The following GPC5 variants were observed in gnomAD, a reference collection of about 807,000 sequenced individuals.
GPC5 encodes the protein glypican-5.
A neutral mutation model predicts 53.9 loss-of-function variants in GPC5; 47 were observed. The ratio of observed to expected loss-of-function variants is 0.87; its 90% CI spans 0.69 to 1.11. The LOEUF is 1.11. Ranked by LOEUF, GPC5 falls within the 50% of genes most tolerant of loss-of-function variation. GPC5 has a pLI of 0.00. For missense variants in GPC5, 748 were observed against 713.1 expected, an observed-to-expected ratio of 1.05 and a Z score of -0.56; for synonymous variants, 286 against 263.3, an observed-to-expected ratio of 1.09 and a Z score of -0.84.
intron 7 of GPC5, among the ~76,000 whole-genome samples, chr13:92,665,065 T>C (rs1251796185): frequency 6.6e-6 from 1 of 152,152 alleles, no homozygotes; most frequent in African/African-American, 2.4e-5. Flanking sequence ...CACCATATGA[T>C]GAAAATATAG....
intron 7 of GPC5, among the ~76,000 whole-genome samples, chr13:92,274,715 A>C (rs2042863354): frequency 2.0e-5 from 3 of 152,174 alleles, no homozygotes; most frequent in Non-Finnish European, 2.9e-5. Context: ...GACCCTCTCT[A>C]ACATGGCCGC....
chr13:92,236,853 T>TG (rs1034170758), intron 7 of GPC5, among the ~76,000 whole-genome samples: 14 of 151,910 alleles, frequency 9.2e-5, no homozygotes, highest in African/African-American at 3.1e-4. Context: ...AGCATTTTTT[T>TG]TTTGTTTTGA....
intron 7 of GPC5, among the ~76,000 whole-genome samples, chr13:92,461,144 TAAG>T (rs1464005050): frequency 6.6e-6 from 1 of 152,102 alleles, no homozygotes; most frequent in Non-Finnish European, 1.5e-5. Flanking sequence ...TGAAACTAAA[TAAG>T]AAGTATTCCC....
intron 7 of GPC5, among the ~76,000 whole-genome samples, chr13:92,257,567 T>TTTTTTTTTTTTTGG (rs1555323586): frequency 9.1e-5 from 13 of 142,094 alleles, no homozygotes; most frequent in African/African-American, 3.4e-4. Context: ...TTTTTTTTTT[T>TTTTTTTTTTTTTGG]GGGGACAGAG....
chr13:91,423,308 G>A (rs1034891372), intron 1 of GPC5, among the ~76,000 whole-genome samples: 2 of 152,036 alleles, frequency 1.3e-5, no homozygotes, highest in Non-Finnish European at 2.9e-5. Flanking sequence ...ATTGCTTTGT[G>A]GCTGTTTTTA....
At chr13:92,613,406 A>AT (rs533933022) in intron 7 of GPC5, among the ~76,000 whole-genome samples, 6 of 62,780 alleles carry the variant, frequency 9.6e-5, no homozygotes, top group East Asian at 8.3e-4. Flanking sequence ...TATATATTAT[A>AT]TTATATATAA....
At chr13:91,804,794 C>CTCTTT (rs1178360842) in intron 5 of GPC5, among the ~76,000 whole-genome samples, 4 of 152,176 alleles carry the variant, frequency 2.6e-5, no homozygotes, top group Non-Finnish European at 5.9e-5. Flanking sequence ...CAAGAAAGAC[C>CTCTTT]TGCCCATTAC....
intron 7 of GPC5, among the ~76,000 whole-genome samples, chr13:92,860,730 C>A (rs943711092): frequency 6.6e-6 from 1 of 151,970 alleles, no homozygotes; most frequent in Non-Finnish European, 1.5e-5. Flanking sequence ...AGTCAGTTTC[C>A]TCATAATGAA....
At position 91,715,911 on chromosome 13, in the gene GPC5, C is replaced by T. The variant is rs146613568; in HGVS notation, c.1021-12621C>T. Among the ~76,000 whole-genome samples the T allele has an allele frequency of 2.3e-3, 348 of 152,052 alleles. 1 individual carries two copies. The highest frequency in any genetic ancestry group is 3.9e-3 in the Non-Finnish European group (264 of 67,990). ...ACCTCAGCCTCCTGAATAGCTGGGA[C>T]TACAGGTGCACAGCACCATGCTCAT... is the stretch of plus-strand genomic sequence containing the variant. On this transcript the variant is annotated intron_variant, in intron 3 of 7. Coordinates refer to ENST00000377067, the MANE Select transcript of GPC5 (RefSeq NM_004466.6).
rs976189465 is a variant in GPC5, at chr13:92,370,228, G to A, written c.1561+225239G>A. Among the ~76,000 whole-genome samples the A allele has an allele frequency of 8.5e-5, 13 of 152,250 alleles. No homozygotes were observed. The South Asian group carries it at 1.0e-3, about 12-fold the overall frequency. On this transcript the variant is annotated intron_variant, in intron 7 of 7. Transcript: ENST00000377067. ...TTAAAAATGTATTTTTTCCTAGTCC[G>A]TTGTGACAGTATTTGGTTCTTAGGT...
chr13:92,238,891 A>G (rs2042589067), intron 7 of GPC5, among the ~76,000 whole-genome samples: 1 of 151,478 alleles, frequency 6.6e-6, no homozygotes, highest in Non-Finnish European at 1.5e-5. Context: ...TAGTTCTTAT[A>G]TTTAGGTCTT....
chr13:92,606,255 A>G (rs1884256412), intron 7 of GPC5, among the ~76,000 whole-genome samples: 1 of 152,012 alleles, frequency 6.6e-6, no homozygotes, highest in Non-Finnish European at 1.5e-5. Context: ...ACTCCACGAC[A>G]GGCCCCGGTG....
intron 6 of GPC5, among the ~76,000 whole-genome samples, chr13:92,135,172 T>C (rs919487220): frequency 2.1e-4 from 32 of 152,160 alleles, no homozygotes; most frequent in African/African-American, 7.2e-4. Context: ...CATGGATGTT[T>C]TGATAGAAAG....
chr13:92,858,864 T>C (rs555955490), intron 7 of GPC5, among the ~76,000 whole-genome samples: 1 of 152,304 alleles, frequency 6.6e-6, no homozygotes, highest in East Asian at 1.9e-4. Context: ...AGAAATACTC[T>C]TTCTTGAAAG....
intron 6 of GPC5, among the ~76,000 whole-genome samples, chr13:92,130,826 G>T (rs1302121833): frequency 6.6e-6 from 1 of 151,776 alleles, no homozygotes; most frequent in African/African-American, 2.4e-5. Context: ...GTCCACAATA[G>T]TCTAGAATAA....
intron 2 of GPC5, among the ~76,000 whole-genome samples, chr13:91,558,348 T>A (rs2031074873): frequency 6.6e-6 from 1 of 152,106 alleles, no homozygotes; most frequent in Non-Finnish European, 1.5e-5. Flanking sequence ...ATCCTAGTAC[T>A]GTTATCACCG....
intron 7 of GPC5, among the ~76,000 whole-genome samples, chr13:92,529,647 G>A (rs1052821767): frequency 2.0e-4 from 31 of 152,032 alleles, no homozygotes; most frequent in African/African-American, 6.0e-4. Flanking sequence ...GTTCTCAGCT[G>A]GACTTACATC....
chr13:92,129,368 T>A (rs1018469681), intron 6 of GPC5, among the ~76,000 whole-genome samples: 8 of 152,210 alleles, frequency 5.3e-5, no homozygotes, highest in African/African-American at 1.9e-4. Context: ...CCCAACCCTA[T>A]CTTCTCATTA....
At chr13:92,186,727 C>A (rs1414293442) in intron 7 of GPC5, among the ~76,000 whole-genome samples, 3 of 152,120 alleles carry the variant, frequency 2.0e-5, no homozygotes, top group South Asian at 2.1e-4. Context: ...GGCTTCAATC[C>A]ACTCATGTGT....
Sources: gnomAD v4.1 joint callset for allele counts (sites outside exome capture counted in the v4.1 genomes callset) on GRCh38, gnomAD v4.1.1 for gene constraint, MANE v1.5 for transcripts, NCBI Gene and HGNC (gene_info 2026-07-23, HGNC 2026-07-21) for gene names.